FLT1: variants seen among roughly 807,000 people sequenced by gnomAD.
FLT1 encodes fms related receptor tyrosine kinase 1.
A neutral mutation model predicts 156.3 loss-of-function variants in FLT1; 49 were observed. The observed-to-expected ratio is 0.31, with a 90% CI of 0.25 to 0.40. The LOEUF (loss-of-function observed/expected upper bound fraction) is 0.40. Ranked by LOEUF, FLT1 falls within the 10% of genes least tolerant of loss-of-function variation. The pLI, the probability that FLT1 is intolerant of heterozygous loss-of-function variation, is 1.00. For synonymous variants in FLT1, 594 were observed against 583.8 expected, an observed-to-expected ratio of 1.02 and a Z score of -0.25; for missense variants, 1,322 against 1,637.2, an observed-to-expected ratio of 0.81 and a Z score of 3.32.
chr13:28,412,698 G>A (rs1375501119), intron 10 of FLT1, among the ~76,000 whole-genome samples: 1 of 150,360 alleles, frequency 6.7e-6, no homozygotes, highest in Non-Finnish European at 1.5e-5. Flanking sequence ...TGGGGTTACA[G>A]GAGTGAGGCA....
chr13:28,391,614 G>A (rs923218292), intron 12 of FLT1, among the ~76,000 whole-genome samples: 15 of 152,328 alleles, frequency 9.8e-5, no homozygotes, highest in African/African-American at 3.6e-4. Flanking sequence ...TTGGGCACAT[G>A]TTGTCAGGAC....
chr13:28,441,319 CCCT>C (rs1464022210), intron 3 of FLT1, among the ~76,000 whole-genome samples: 1 of 152,190 alleles, frequency 6.6e-6, no homozygotes, highest in African/African-American at 2.4e-5. Flanking sequence ...TAAACACAAA[CCCT>C]TGAATCTCTC....
chr13:28,397,283 G>A (rs1345106132), intron 11 of FLT1, among the ~76,000 whole-genome samples: 1 of 152,184 alleles, frequency 6.6e-6, no homozygotes, highest in Non-Finnish European at 1.5e-5. Context: ...CGGGGCCTAT[G>A]ACATCCGACT....
chr13:28,330,816 C>A (rs549136641), intron 18 of FLT1, among the ~76,000 whole-genome samples: 1 of 151,906 alleles, frequency 6.6e-6, no homozygotes, highest in Non-Finnish European at 1.5e-5. Flanking sequence ...TGGGTTCAAG[C>A]GATTCTCATG....
At chr13:28,414,554 T>G (rs1327865819) in intron 10 of FLT1, among the ~76,000 whole-genome samples, 1 of 152,242 alleles carries the variant, frequency 6.6e-6, no homozygotes, top group Non-Finnish European at 1.5e-5. Context: ...TGTAACACAC[T>G]TAGCACAGTG....
intron 1 of FLT1, among the ~76,000 whole-genome samples, chr13:28,478,905 G>A (rs1206884014): frequency 2.0e-5 from 3 of 152,126 alleles, no homozygotes; most frequent in Admixed American, 1.3e-4. Flanking sequence ...CTTCAGAATC[G>A]ATTACAAATA....
intron 14 of FLT1, among the ~76,000 whole-genome samples, chr13:28,367,917 CT>C (rs548907559): frequency 3.3e-5 from 5 of 152,180 alleles, no homozygotes; most frequent in Non-Finnish European, 5.9e-5. Context: ...GAAATCTCCC[CT>C]GATTAGTCAT....
chr13:28,428,070 T>C, intron 8 of FLT1, 149 bp from the exon 9 acceptor site: 1 of 688,350 alleles, frequency 1.5e-6, no homozygotes, highest in Non-Finnish European at 2.6e-6. Flanking sequence ...GCATTAACTT[T>C]TGAGTAAAGG....
At chr13:28,407,560 G>A (rs1875887481) in intron 10 of FLT1, among the ~76,000 whole-genome samples, 1 of 152,062 alleles carries the variant, frequency 6.6e-6, no homozygotes, top group African/African-American at 2.4e-5. Context: ...ATACCTAAGA[G>A]AATTAGCAAT....
chr13:28,489,069 C>G (rs751067145), intron 1 of FLT1, among the ~76,000 whole-genome samples: 1 of 152,150 alleles, frequency 6.6e-6, no homozygotes, highest in South Asian at 2.1e-4. Flanking sequence ...CAGGCCCCAG[C>G]GAAGCATCAT....
chr13:28,306,105 C>A (rs1380491575), intron 29 of FLT1, among the ~76,000 whole-genome samples: 1 of 152,142 alleles, frequency 6.6e-6, no homozygotes, highest in African/African-American at 2.4e-5. Context: ...CAGTGGCATT[C>A]GGTGGTGCAT....
At chr13:28,444,033 A>G (rs761483028) in intron 3 of FLT1, among the ~76,000 whole-genome samples, 41 of 152,258 alleles carry the variant, frequency 2.7e-4, no homozygotes, top group Non-Finnish European at 5.6e-4. Flanking sequence ...AATTAAAAAC[A>G]TATATGTACC....
At chr13:28,385,172 A>G (rs371386395) in intron 13 of FLT1, 141 bp from the exon 14 acceptor site, 3 of 845,656 alleles carry the variant, frequency 3.5e-6, no homozygotes, top group Non-Finnish European at 3.9e-6. Context: ...TTTCTCTTCA[A>G]TCATTAACCT....
At chr13:28,350,980 C>G (rs1369116240) in intron 15 of FLT1, among the ~76,000 whole-genome samples, 1 of 148,794 alleles carries the variant, frequency 6.7e-6, no homozygotes, top group African/African-American at 2.5e-5. Flanking sequence ...CACCGTCTCT[C>G]TGTTTCTCCA....
rs368104838 is a variant in FLT1 at position 28,333,988 on chromosome 13, G to A, written c.2593+37C>T. 3.2e-6 allele frequency: 4 copies of A among 1,244,230 alleles called. No homozygotes were observed. In the African/African-American group the frequency reaches 5.9e-5, roughly 18 times the overall value. The allele number at this position is 1,244,230 out of a possible 1,614,324, so 77.1% of individuals were successfully genotyped here. ...CAACATTTAGGAAATGCAAAATGGT[G>A]ATGGGTCAGTTGAAAGCCAAACTAC... On this transcript the variant is annotated intron_variant, in intron 18 of 29. Coordinates refer to ENST00000282397, the MANE Select transcript of FLT1 (RefSeq NM_002019.4).
intron 10 of FLT1, among the ~76,000 whole-genome samples, chr13:28,420,187 A>T (rs758040639): frequency 9.9e-5 from 15 of 152,238 alleles, no homozygotes; most frequent in Non-Finnish European, 2.2e-4. Context: ...TTCCTCGTCC[A>T]GTAATTATAT....
intron 12 of FLT1, 41 bp from the exon 13 acceptor site, chr13:28,390,145 C>T (rs1447835829): frequency 6.2e-7 from 1 of 1,601,360 alleles, no homozygotes; most frequent in Non-Finnish European, 8.5e-7. Context: ...ACAGAAAAAT[C>T]AGTGTCTTTT....
At chr13:28,373,851 C>T (rs372582039) in intron 14 of FLT1, among the ~76,000 whole-genome samples, 7 of 152,256 alleles carry the variant, frequency 4.6e-5, no homozygotes, top group African/African-American at 1.4e-4. Flanking sequence ...ACTAACCCCT[C>T]GATGTCCCCA....
intron 6 of FLT1, among the ~76,000 whole-genome samples, chr13:28,432,533 G>A (rs1201074052): frequency 1.3e-5 from 2 of 152,196 alleles, no homozygotes; most frequent in Non-Finnish European, 2.9e-5. Context: ...CTGTGTTTTA[G>A]AATTGCTTCG....
Sources: gnomAD v4.1 joint callset for allele counts (sites outside exome capture counted in the v4.1 genomes callset) on GRCh38, gnomAD v4.1.1 for gene constraint, MANE v1.5 for transcripts, NCBI Gene and HGNC (gene_info 2026-07-23, HGNC 2026-07-21) for gene names.